The following ADGRL3 variants were observed in gnomAD, a reference collection of about 807,000 sequenced individuals.
The protein encoded by ADGRL3 is calcium-independent alpha-latrotoxin receptor 3.
ADGRL3 carries 62 observed loss-of-function variants against 153.5 expected under a neutral mutation model. The observed-to-expected ratio is 0.40, with a 90% confidence interval of 0.33 to 0.50. ADGRL3 has a LOEUF of 0.50. Ranked by LOEUF, ADGRL3 falls within the 20% of genes least tolerant of loss-of-function variation. The pLI is 0.47. For missense variants in ADGRL3, 1,641 were observed against 1,859.4 expected, an observed-to-expected ratio of 0.88 and a Z score of 2.16; for synonymous variants, 710 against 672.5, an observed-to-expected ratio of 1.06 and a Z score of -0.86.
intron 5 of ADGRL3, among the ~76,000 whole-genome samples, chr4:61,599,435 A>C (rs112546603): frequency 0.051 from 7,690 of 152,150 alleles, 599 homozygotes; most frequent in African/African-American, 0.17. Flanking sequence ...TGGTTACAAG[A>C]GATTCTCCCG....
intron 5 of ADGRL3, among the ~76,000 whole-genome samples, chr4:61,648,029 A>G (rs563772320): frequency 6.6e-6 from 1 of 152,308 alleles, no homozygotes; most frequent in East Asian, 1.9e-4. Context: ...TAAAATGTGT[A>G]TGTTCCATTT....
At chr4:61,575,556 C>G (rs185503473) in intron 4 of ADGRL3, among the ~76,000 whole-genome samples, 1 of 151,880 alleles carries the variant, frequency 6.6e-6, no homozygotes, top group African/African-American at 2.4e-5. Flanking sequence ...TTATCTCCTG[C>G]CCCCATCTAC....
At chr4:62,003,190 G>C (rs148548241) in intron 21 of ADGRL3, among the ~76,000 whole-genome samples, 1 of 152,044 alleles carries the variant, frequency 6.6e-6, no homozygotes, top group African/African-American at 2.4e-5. Context: ...GTCCCTTTGC[G>C]CCTTCTCATC....
At chr4:61,272,275 T>G (rs2149802515) in intron 1 of ADGRL3, among the ~76,000 whole-genome samples, 1 of 152,188 alleles carries the variant, frequency 6.6e-6, no homozygotes, top group African/African-American at 2.4e-5. Context: ...TTTTTAATTT[T>G]AATGACAAAA....
intron 8 of ADGRL3, among the ~76,000 whole-genome samples, chr4:61,795,023 A>T (rs1424827788): frequency 6.6e-6 from 1 of 152,236 alleles, no homozygotes; most frequent in Non-Finnish European, 1.5e-5. Context: ...GAATAATTTT[A>T]TGTCAGGCTA....
At chr4:61,313,492 A>T (rs1163741320) in intron 1 of ADGRL3, among the ~76,000 whole-genome samples, 1 of 152,174 alleles carries the variant, frequency 6.6e-6, no homozygotes, top group Non-Finnish European at 1.5e-5. Flanking sequence ...CATGCAGGGG[A>T]GAAGGCCAGG....
chr4:61,412,220 T>A (rs1179181882), intron 2 of ADGRL3, among the ~76,000 whole-genome samples: 1 of 152,174 alleles, frequency 6.6e-6, no homozygotes, highest in Non-Finnish European at 1.5e-5. Flanking sequence ...GAGCTGGGAC[T>A]ACAGGCATGT....
chr4:61,407,447 A>G (rs1397359321), intron 2 of ADGRL3, among the ~76,000 whole-genome samples: 1 of 152,116 alleles, frequency 6.6e-6, no homozygotes, highest in Non-Finnish European at 1.5e-5. Context: ...TCATTTCTTT[A>G]TATCTTATGA....
intron 2 of ADGRL3, among the ~76,000 whole-genome samples, chr4:61,453,067 A>G (rs1344718181): frequency 6.6e-6 from 1 of 152,158 alleles, no homozygotes; most frequent in African/African-American, 2.4e-5. Flanking sequence ...TAATAGAGTA[A>G]TTGTAAAGGA....
Position 61,385,764 on chromosome 4 carries a change from A to G in ADGRL3, c.-174+2575A>G, listed in dbSNP as rs1171787748. ...ATATTGATTTATTTCACCAACATTA[A>G]GTACCAAATAAACTATTATATATTC... is the stretch of plus-strand genomic sequence containing the variant. On this transcript the variant is annotated intron_variant, in intron 2 of 26. Coordinates refer to ENST00000683033, the MANE Select transcript of ADGRL3 (RefSeq NM_001387552.1). The G allele has an allele frequency of 5.3e-5, 8 of 152,316 alleles. No homozygotes were observed. In the East Asian group the frequency reaches 1.5e-3, roughly 29 times the overall value. 9.4% of individuals were successfully genotyped at this position (152,316 alleles called of 1,614,324 possible). A position where few individuals can be genotyped will look rare whatever the true frequency, so the allele number is the denominator to read the frequency against.
intron 13 of ADGRL3, among the ~76,000 whole-genome samples, chr4:61,921,758 A>AT (rs201127535): frequency 1.3e-5 from 2 of 152,116 alleles, no homozygotes. Flanking sequence ...TCATATCTAT[A>AT]TTTTTATACT....
intron 1 of ADGRL3, among the ~76,000 whole-genome samples, chr4:61,338,606 C>T (rs776093937): frequency 7.9e-5 from 12 of 152,176 alleles, no homozygotes; most frequent in Non-Finnish European, 1.6e-4. Context: ...ACTCTGCTCA[C>T]AAACTGAACT....
intron 9 of ADGRL3, among the ~76,000 whole-genome samples, chr4:61,831,620 C>T (rs1318809006): frequency 2.0e-5 from 3 of 151,878 alleles, no homozygotes; most frequent in East Asian, 1.9e-4. Context: ...GGACACTAGT[C>T]GTCAATAGAT....
intron 9 of ADGRL3, among the ~76,000 whole-genome samples, chr4:61,862,049 C>A (rs1269907633): frequency 6.6e-6 from 1 of 152,180 alleles, no homozygotes; most frequent in Non-Finnish European, 1.5e-5. Flanking sequence ...ACTTTGGGAA[C>A]ATTCTACTGG....
chr4:61,257,744 T>C (rs967046038), intron 1 of ADGRL3, among the ~76,000 whole-genome samples: 1 of 152,236 alleles, frequency 6.6e-6, no homozygotes, highest in Non-Finnish European at 1.5e-5. Context: ...TAATATGGTA[T>C]CAGTGATCAT....
chr4:61,969,912 T>G (rs767604934), intron 17 of ADGRL3, among the ~76,000 whole-genome samples: 11 of 152,190 alleles, frequency 7.2e-5, no homozygotes, highest in Non-Finnish European at 1.6e-4. Context: ...ATTTTGTACA[T>G]TTCTTTTAAC....
At chr4:61,968,942 A>C (rs1367305436) in intron 17 of ADGRL3, among the ~76,000 whole-genome samples, 1 of 152,140 alleles carries the variant, frequency 6.6e-6, no homozygotes. Flanking sequence ...TACAGAAATC[A>C]AGGAGATGAT....
intron 1 of ADGRL3, among the ~76,000 whole-genome samples, chr4:61,217,888 A>G (rs1429530009): frequency 6.6e-6 from 1 of 152,204 alleles, no homozygotes; most frequent in Middle Eastern, 3.2e-3. Context: ...TACCAGTGCT[A>G]AAGACAAGGC....
At chr4:61,972,439 G>C (rs187276342) in intron 17 of ADGRL3, among the ~76,000 whole-genome samples, 1,805 of 152,078 alleles carry the variant, frequency 0.012, 37 homozygotes, top group African/African-American at 0.041. Context: ...GCTTGTTTTT[G>C]TCAGGTTTGT....
Sources: allele counts gnomAD v4.1 joint callset (sites outside exome capture counted in the v4.1 genomes callset), GRCh38; gene constraint gnomAD v4.1.1; transcripts MANE v1.5; gene names NCBI Gene and HGNC (gene_info 2026-07-23, HGNC 2026-07-21).